Variants in SEMA3E observed in about 807,000 individuals in gnomAD.
SEMA3E encodes semaphorin-3E.
SEMA3E carries 49 observed loss-of-function variants against 93.6 expected under a neutral mutation model. That is an observed-to-expected ratio of 0.52 (90% CI 0.42 to 0.66). The LOEUF (loss-of-function observed/expected upper bound fraction) is 0.66, where lower values mean the gene tolerates loss of function less well. Among genes scored for constraint, SEMA3E ranks in the 30% least tolerant of loss-of-function variants. The pLI, the probability that SEMA3E is intolerant of heterozygous loss-of-function variation, is 0.00. For synonymous variants in SEMA3E, 363 were observed against 330.7 expected (o/e 1.10, Z -1.06); for missense variants, 906 against 964.8 (o/e 0.94, Z 0.81).
chr7:83,442,583 C>T lies in SEMA3E; in HGVS notation c.456+23899G>A, dbSNP rs77968719. 5.9e-3 allele frequency among the ~76,000 whole-genome samples: 896 copies of T among 151,004 alleles called. 8 individuals carry two copies. Among genetic ancestry groups the T allele is most frequent in the African/African-American group, 0.021 (869 of 40,524 alleles). ...ACACCATCAGTGAAGAGTTTACTTGCTTGTTATTTTTCTCTTTTCTTTTTT... is the reference window on the plus strand; with the variant it reads ...ACACCATCAGTGAAGAGTTTACTTGTTTGTTATTTTTCTCTTTTCTTTTTT... On this transcript the variant is annotated intron_variant, in intron 4 of 16. Coordinates refer to ENST00000643230, the MANE Select transcript of SEMA3E (RefSeq NM_012431.3).
At chr7:83,507,042 G>C (rs1469587745) in intron 1 of SEMA3E, among the ~76,000 whole-genome samples, 1 of 152,140 alleles carries the variant, frequency 6.6e-6, no homozygotes, top group African/African-American at 2.4e-5. Flanking sequence ...AAATTTCTGA[G>C]AATATCATTC....
At position 83,364,801 on chromosome 7, in the gene SEMA3E, A is replaced by G. The variant is rs969810317; in HGVS notation, c.*2785T>C. 1 of 152,168 alleles carries G rather than the reference A, an allele frequency of 6.6e-6. No homozygotes were observed. Among genetic ancestry groups the G allele is most frequent in the East Asian group, 1.9e-4 (1 of 5,192 alleles). The allele number at this position is 152,168 out of a possible 1,614,324, so 9.4% of individuals were successfully genotyped here. ...GATGAGTGGTTATGATTTTTGCTCA[A>G]TGTTGCTAGAGAGCATGGTTTCTCT... On this transcript the variant is annotated 3_prime_UTR_variant, in exon 17 of 17. Transcript: ENST00000643230.
intron 1 of SEMA3E, among the ~76,000 whole-genome samples, chr7:83,589,693 C>T (rs1792714065): frequency 6.6e-6 from 1 of 152,032 alleles, no homozygotes; most frequent in Admixed American, 6.6e-5. Context: ...AATATCAAAA[C>T]TTATTAATAA....
rs1280136951 is a variant in SEMA3E at position 83,365,298 on chromosome 7, G to A, written c.*2288C>T. ...CTTCAGTACTGCCATAAACAGGCGG[G>A]AAGCAAGATTATATACATATATATG... is the stretch of plus-strand genomic sequence containing the variant. On this transcript the variant is annotated 3_prime_UTR_variant, in exon 17 of 17. Transcript: ENST00000643230. 1 of 151,984 alleles carries A rather than the reference G, an allele frequency of 6.6e-6. No individual in the cohort carries two copies. 9.4% of individuals were successfully genotyped at this position (151,984 alleles called of 1,614,324 possible).
Position 83,523,871 on chromosome 7 carries a change from A to G in SEMA3E, c.116-33597T>C, listed in dbSNP as rs946812845. Reference sequence around the variant, plus strand: ...GGGCAAGAACATGTTTTGTCCTTGCATTCACACTGCCTAGGACATAGAAAG... The same window carrying G: ...GGGCAAGAACATGTTTTGTCCTTGCGTTCACACTGCCTAGGACATAGAAAG... On this transcript the variant is annotated intron_variant, in intron 1 of 16. Coordinates refer to ENST00000643230, the MANE Select transcript of SEMA3E (RefSeq NM_012431.3). 3.3e-5 allele frequency among the ~76,000 whole-genome samples: 5 copies of G among 152,226 alleles called. No homozygotes were observed. The East Asian group carries it at 9.7e-4, about 29-fold the overall frequency.
chr7:83,414,501 G>C (rs1384605692), intron 5 of SEMA3E, among the ~76,000 whole-genome samples: 1 of 151,848 alleles, frequency 6.6e-6, no homozygotes, highest in Non-Finnish European at 1.5e-5. Flanking sequence ...ATGGATAAAA[G>C]CTCAGTCAGG....
intron 1 of SEMA3E, among the ~76,000 whole-genome samples, chr7:83,611,390 TTATA>T: frequency 7.1e-6 from 1 of 141,810 alleles, no homozygotes; most frequent in East Asian, 2.0e-4. Context: ...AATTTATATA[TTATA>T]TATATATATA....
intron 1 of SEMA3E, among the ~76,000 whole-genome samples, chr7:83,498,291 C>G (rs1790529008): frequency 1.3e-5 from 2 of 152,084 alleles, no homozygotes; most frequent in African/African-American, 4.8e-5. Context: ...CCCTAACTCC[C>G]AAGTTGTTCA....
chr7:83,390,680 G>A (rs992049326), intron 14 of SEMA3E, among the ~76,000 whole-genome samples: 2 of 152,046 alleles, frequency 1.3e-5, no homozygotes, highest in Non-Finnish European at 2.9e-5. Context: ...TATCTTCCAG[G>A]GGTAGTGATG....
intron 1 of SEMA3E, among the ~76,000 whole-genome samples, chr7:83,549,478 A>G (rs1791716369): frequency 6.6e-6 from 1 of 151,950 alleles, no homozygotes; most frequent in Admixed American, 6.6e-5. Context: ...TTCTTTAATG[A>G]TTTATTTTTC....
intron 1 of SEMA3E, among the ~76,000 whole-genome samples, chr7:83,528,009 TAATGAA>T (rs1433640708): frequency 6.6e-6 from 1 of 152,074 alleles, no homozygotes; most frequent in Non-Finnish European, 1.5e-5. Flanking sequence ...TCTATACATA[TAATGAA>T]AATGATTATT....
chr7:83,460,346 C>A (rs1393785377), intron 4 of SEMA3E, among the ~76,000 whole-genome samples: 3 of 152,068 alleles, frequency 2.0e-5, no homozygotes, highest in Non-Finnish European at 4.4e-5. Flanking sequence ...TCTTCAATCT[C>A]TCCCTTAATT....
intron 1 of SEMA3E, among the ~76,000 whole-genome samples, chr7:83,628,753 T>C (rs180852563): frequency 7.8e-4 from 118 of 152,124 alleles, no homozygotes; most frequent in Middle Eastern, 6.8e-3. Context: ...CAGAGGAGTT[T>C]GTTATTACCC....
At chr7:83,489,258 A>T (rs1790328531) in intron 2 of SEMA3E, among the ~76,000 whole-genome samples, 1 of 152,072 alleles carries the variant, frequency 6.6e-6, no homozygotes, top group Non-Finnish European at 1.5e-5. Flanking sequence ...TATTGCCTAA[A>T]ATGAAACATA....
In SEMA3E at chr7:83,453,340, T is replaced by C. The variant is rs147165977; in HGVS notation, c.456+13142A>G. Among the ~76,000 whole-genome samples the C allele has an allele frequency of 2.9e-3, 434 of 152,026 alleles. 5 individuals carry two copies. Among genetic ancestry groups the C allele is most frequent in the African/African-American group, 9.9e-3 (412 of 41,460 alleles). ...CTGGATATTTATTGGGTAGCTACTA[T>C]GTTAGTGTAAATAATTATCTGTTTC... On this transcript the variant is annotated intron_variant, in intron 4 of 16. Transcript: ENST00000643230.
chr7:83,520,390 A>G (rs1246481912), intron 1 of SEMA3E, among the ~76,000 whole-genome samples: 3 of 152,056 alleles, frequency 2.0e-5, no homozygotes, highest in African/African-American at 7.2e-5. Context: ...ATCAACATTC[A>G]TTTTCTCCCT....
intron 1 of SEMA3E, among the ~76,000 whole-genome samples, chr7:83,646,355 T>C (rs531468031): frequency 3.3e-5 from 5 of 152,080 alleles, no homozygotes; most frequent in Non-Finnish European, 5.9e-5. Flanking sequence ...TGGGACTGAA[T>C]ATCCCTCCTC....
chr7:83,375,875 T>C (rs766468300), intron 16 of SEMA3E, among the ~76,000 whole-genome samples: 2 of 152,068 alleles, frequency 1.3e-5, no homozygotes, highest in Admixed American at 6.6e-5. Flanking sequence ...TATTCTCCAT[T>C]TATACAATAG....
At chr7:83,384,253 C>T (rs753615326) in intron 16 of SEMA3E, among the ~76,000 whole-genome samples, 1 of 152,028 alleles carries the variant, frequency 6.6e-6, no homozygotes, top group African/African-American at 2.4e-5. Flanking sequence ...AAGTGTTCCG[C>T]ATTTGGAATC....
Sources: gnomAD v4.1 joint callset for allele counts (sites outside exome capture counted in the v4.1 genomes callset) on GRCh38, gnomAD v4.1.1 for gene constraint, MANE v1.5 for transcripts, NCBI Gene and HGNC (gene_info 2026-07-23, HGNC 2026-07-21) for gene names.